SFRP1: variants seen among roughly 807,000 people sequenced by gnomAD.
SFRP1 encodes secreted frizzled related protein 1, also known as secreted frizzled-related protein 1.
SFRP1 carries 9 observed loss-of-function variants against 25.9 expected under a neutral mutation model. The ratio of observed to expected loss-of-function variants is 0.35; its 90% CI spans 0.21 to 0.61. The LOEUF is 0.61. Among genes scored for constraint, SFRP1 ranks in the 20% least tolerant of loss-of-function variants. SFRP1 has a pLI of 0.78. For missense variants in SFRP1, 346 were observed against 418.2 expected (o/e 0.83, Z 1.51); for synonymous variants, 178 against 174.0 (o/e 1.02, Z -0.18).
intron 2 of SFRP1, among the ~76,000 whole-genome samples, chr8:41,279,137 A>C (rs921191763): frequency 1.3e-5 from 2 of 151,926 alleles, no homozygotes; most frequent in African/African-American, 4.8e-5. Context: ...ATGGCCCAAA[A>C]CGCATCCAAT....
intron 1 of SFRP1, chr8:41,306,825 G>C (rs1804004178): frequency 6.3e-7 from 1 of 1,598,036 alleles, no homozygotes; most frequent in Non-Finnish European, 8.5e-7. Flanking sequence ...AAGGTGTCCG[G>C]AAGACAGCGA....
chr8:41,306,402 G>A (rs1198372524), intron 1 of SFRP1, among the ~76,000 whole-genome samples: 2 of 152,158 alleles, frequency 1.3e-5, no homozygotes, highest in Non-Finnish European at 2.9e-5. Context: ...GAAAGTGCCA[G>A]TTACGACCCC....
intron 2 of SFRP1, among the ~76,000 whole-genome samples, chr8:41,281,791 C>G (rs554788670): frequency 2.0e-5 from 3 of 152,222 alleles, no homozygotes; most frequent in Non-Finnish European, 4.4e-5. Flanking sequence ...ACATGGCCAA[C>G]TGGGAAAGGC....
At chr8:41,306,465 T>C (rs1803997767) in intron 1 of SFRP1, among the ~76,000 whole-genome samples, 1 of 150,942 alleles carries the variant, frequency 6.6e-6, no homozygotes, top group South Asian at 2.1e-4. Context: ...TGTCTTGACC[T>C]GCCCTCTACA....
intron 2 of SFRP1, among the ~76,000 whole-genome samples, chr8:41,271,719 C>T (rs1310085378): frequency 1.3e-5 from 2 of 151,972 alleles, no homozygotes; most frequent in African/African-American, 2.4e-5. Flanking sequence ...AATCTCAGCA[C>T]TTTGGGAGGC....
At chr8:41,278,986 T>C (rs1330080346) in intron 2 of SFRP1, among the ~76,000 whole-genome samples, 1 of 151,990 alleles carries the variant, frequency 6.6e-6, no homozygotes, top group East Asian at 1.9e-4. Context: ...GACCATCTTC[T>C]CCTTGATGCC....
chr8:41,272,650 T>C (rs1803525065), intron 2 of SFRP1, among the ~76,000 whole-genome samples: 1 of 151,978 alleles, frequency 6.6e-6, no homozygotes, highest in African/African-American at 2.4e-5. Context: ...TTTTAAAAGA[T>C]AAGGTTGAAG....
chr8:41,275,036 G>A (rs1803554676), intron 2 of SFRP1: 1 of 277,108 alleles, frequency 3.6e-6, no homozygotes, highest in Admixed American at 5.2e-5. Context: ...GAGGAGGAGG[G>A]AGGCAGTCCA....
chr8:41,306,438 G>A (rs566675971), intron 1 of SFRP1, among the ~76,000 whole-genome samples: 12 of 152,220 alleles, frequency 7.9e-5, no homozygotes, highest in African/African-American at 1.9e-4. Flanking sequence ...AAGGTTATGA[G>A]GATCAGTAGT....
chr8:41,308,433 C>T (rs1804025340), intron 1 of SFRP1, among the ~76,000 whole-genome samples, 183 bp downstream of exon 1: 1 of 152,226 alleles, frequency 6.6e-6, no homozygotes. Context: ...GGGCGCTGAG[C>T]GATACCTGGG....
Position 41,265,292 on chromosome 8 carries a change from T to G in SFRP1, c.820A>C (p.Lys274Gln). 1.9e-6 allele frequency: 3 copies of G among 1,614,190 alleles called. No individual in the cohort carries two copies. The South Asian group carries it at 3.3e-5, about 18-fold the overall frequency. ...LSHHFLIMGRKVKSQYLLTAI... is the reference protein window; with the variant it reads ...LSHHFLIMGRQVKSQYLLTAI... ...GTCAGCAAGTACTGGCTCTTCACCT[T>G]GCGGCCCATGATGAGGAAGTGGTGG... The change falls in exon 3 of 3, where the codon AAG (lysine) becomes CAG (glutamine). Residue 274 changes from lysine to glutamine, a missense_variant. Transcript: ENST00000220772.
intron 2 of SFRP1, among the ~76,000 whole-genome samples, chr8:41,266,956 T>C (rs1803443424): frequency 6.6e-6 from 1 of 152,128 alleles, no homozygotes; most frequent in Admixed American, 6.5e-5. Context: ...TACTACTGGG[T>C]CTCTATGGCG....
At chr8:41,288,415 G>T (rs552406320) in intron 2 of SFRP1, among the ~76,000 whole-genome samples, 5 of 151,702 alleles carry the variant, frequency 3.3e-5, no homozygotes, top group Non-Finnish European at 7.4e-5. Context: ...CTATGCACCT[G>T]CAGTCCCTGT....
intron 1 of SFRP1, 74 bp from the exon 2 acceptor site, chr8:41,303,612 C>G (rs1311187759): frequency 1.8e-5 from 22 of 1,221,550 alleles, no homozygotes; most frequent in Non-Finnish European, 2.5e-5. Flanking sequence ...GGGAAAAGAT[C>G]GGCCCTGGGT....
At chr8:41,266,505 G>A (rs1024016718) in intron 2 of SFRP1, among the ~76,000 whole-genome samples, 5 of 151,870 alleles carry the variant, frequency 3.3e-5, no homozygotes, top group Admixed American at 6.6e-5. Context: ...TCTCGATCTC[G>A]GCTCACTGCA....
intron 2 of SFRP1, among the ~76,000 whole-genome samples, chr8:41,273,847 GGGA>G (rs1371577004): frequency 4.5e-4 from 68 of 152,158 alleles, no homozygotes; most frequent in African/African-American, 1.5e-3. Context: ...TCAGTGGGCT[GGGA>G]GAGGAAGAGT....
intron 2 of SFRP1, among the ~76,000 whole-genome samples, chr8:41,291,069 G>A (rs536943736): frequency 2.0e-5 from 3 of 151,076 alleles, no homozygotes; most frequent in East Asian, 2.0e-4. Context: ...ACCAGGCCCC[G>A]CTATTTTTTT....
rs2117526336 is a variant in SFRP1 at position 41,308,835 on chromosome 8, T to C, written c.325A>G (p.Thr109Ala). 6.2e-7 allele frequency: 1 copy of C among 1,610,224 alleles called. No homozygotes were observed. Among genetic ancestry groups the C allele is most frequent in the South Asian group, 1.1e-5 (1 of 90,864 alleles). Reference protein sequence around the residue: ...PLLNKNCHAGTQVFLCSLFAP... With the variant: ...PLLNKNCHAGAQVFLCSLFAP... ...AAGAGCGAGCAGAGGAAGACCTGGG[T>C]GCCGGCGTGGCAGTTCTTGTTGAGC... Residue 109 changes from threonine (T) to alanine (A), a missense_variant, in exon 1 of 3, where the codon ACC (threonine) becomes GCC (alanine). Thr to Ala is a moderately conservative substitution (Grantham distance 58). Transcript: ENST00000220772.
Position 41,299,499 on chromosome 8 carries a change from T to TAAAAAAAAA in SFRP1, c.622+3953_622+3961dup, listed in dbSNP as rs576175856. Among the ~76,000 whole-genome samples the TAAAAAAAAA allele has an allele frequency of 4.8e-4, 27 of 56,068 alleles. 1 individual carries two copies. Among genetic ancestry groups the TAAAAAAAAA allele is most frequent in the African/African-American group, 2.3e-3 (27 of 11,724 alleles). The allele number at this position is 56,068 out of a possible 152,430, so 36.8% of individuals were successfully genotyped here. On this transcript the variant is annotated intron_variant, in intron 2 of 2. Transcript: ENST00000220772. The stretch of plus-strand genomic sequence containing the variant: ...ACCTTGAAAAGAGCCTTCTCCTTTA[T>TAAAAAAAAA]AAAAAAAAAAAAAAAAAAAAAAAAA...
Sources: allele counts gnomAD v4.1 joint callset (sites outside exome capture counted in the v4.1 genomes callset), GRCh38; gene constraint gnomAD v4.1.1; transcripts MANE v1.5; gene names NCBI Gene and HGNC (gene_info 2026-07-23, HGNC 2026-07-21).